Variants in SNAP91 observed in about 807,000 individuals in gnomAD.
SNAP91 encodes the protein clathrin coat assembly protein AP180.
In SNAP91, 27 loss-of-function variants were observed where a neutral mutation model predicts 100.3. That is an observed-to-expected ratio of 0.27 (90% CI 0.20 to 0.37). The LOEUF (loss-of-function observed/expected upper bound fraction) is 0.37. Ranked by LOEUF, SNAP91 falls within the 10% of genes least tolerant of loss-of-function variation. The pLI is 1.00. For synonymous variants in SNAP91, 404 were observed against 398.6 expected, an observed-to-expected ratio of 1.01 and a Z score of -0.16; for missense variants, 986 against 1,123.7, an observed-to-expected ratio of 0.88 and a Z score of 1.75.
rs530700028 is a variant in SNAP91, at chr6:83,594,446, C to T, written c.1360G>A (p.Ala454Thr). The T allele has an allele frequency of 1.4e-4, 209 of 1,543,586 alleles. 2 individuals are homozygous for T. The South Asian group carries it at 2.4e-3, about 18-fold the overall frequency. ...GCTGGTGCGGCGGCCCCTTCGGATGCTGCAGGGGCCTCCCCAGGAGAAGCT... is the reference window on the plus strand; with the variant it reads ...GCTGGTGCGGCGGCCCCTTCGGATGTTGCAGGGGCCTCCCCAGGAGAAGCT... ...FAASPGEAPA[A>T]SEGAAAPATP... is the part of the protein sequence containing the mutation. The change falls in exon 17 of 30, where the codon GCA (alanine) becomes ACA (threonine). Residue 454 changes from alanine to threonine, a missense_variant. Ala to Thr is a moderately conservative substitution (Grantham distance 58, BLOSUM62 0). This residue lies in a region of SNAP91 where 575 missense variants were observed against 579.9 expected (regional missense o/e 0.99). Transcript: ENST00000369694.
At chr6:83,699,429 C>T (rs2099263775) in intron 2 of SNAP91, among the ~76,000 whole-genome samples, 1 of 151,722 alleles carries the variant, frequency 6.6e-6, no homozygotes, top group African/African-American at 2.4e-5. Context: ...TAAAAGCAGA[C>T]AAGACACAGC....
chr6:83,579,261 C>T (rs934358158), intron 24 of SNAP91, among the ~76,000 whole-genome samples: 1 of 152,174 alleles, frequency 6.6e-6, no homozygotes, highest in Non-Finnish European at 1.5e-5. Flanking sequence ...TGGTTGACAG[C>T]TGAGGGCTGT....
chr6:83,592,878 A>G (rs1005763520), intron 20 of SNAP91, 68 bp downstream of exon 20: 82 of 1,172,076 alleles, frequency 7.0e-5, no homozygotes, highest in Non-Finnish European at 9.1e-5. Context: ...CCCACATGTT[A>G]TATCCTTCTC....
chr6:83,659,739 A>C (rs915337862), intron 5 of SNAP91, among the ~76,000 whole-genome samples: 5 of 151,862 alleles, frequency 3.3e-5, no homozygotes, highest in African/African-American at 1.2e-4. Flanking sequence ...ATCAAAATAT[A>C]AGCTTTCAAA....
In SNAP91 at chr6:83,558,555, G is replaced by C. The variant is rs951229804; in HGVS notation, c.2631+1549C>G. Reference sequence around the variant, plus strand: ...CTCTTGGTCCCTGTTGCTTTTGAGGGGCAAAGTGAAGAAGCTGAAAGGAAA... The same window carrying C: ...CTCTTGGTCCCTGTTGCTTTTGAGGCGCAAAGTGAAGAAGCTGAAAGGAAA... On this transcript the variant is annotated intron_variant, in intron 28 of 29. Coordinates refer to ENST00000369694, the MANE Select transcript of SNAP91 (RefSeq NM_001242792.2). 3.9e-5 allele frequency among the ~76,000 whole-genome samples: 6 copies of C among 152,130 alleles called. No homozygotes were observed. In the East Asian group the frequency reaches 1.2e-3, roughly 29 times the overall value.
chr6:83,566,041 A>G (rs1308130928), intron 26 of SNAP91, among the ~76,000 whole-genome samples: 1 of 152,194 alleles, frequency 6.6e-6, no homozygotes, highest in Non-Finnish European at 1.5e-5. Context: ...TAGAAACAAC[A>G]TAAGTGTTCA....
intron 2 of SNAP91, chr6:83,690,547 G>T: frequency 2.3e-6 from 1 of 431,440 alleles, no homozygotes. Flanking sequence ...TATCCATTTT[G>T]ACTAACGTAC....
At chr6:83,618,006 A>G (rs2096569271) in intron 9 of SNAP91, among the ~76,000 whole-genome samples, 1 of 151,942 alleles carries the variant, frequency 6.6e-6, no homozygotes, top group Non-Finnish European at 1.5e-5. Context: ...TGAAGTAACT[A>G]TGGTAACTGA....
intron 5 of SNAP91, among the ~76,000 whole-genome samples, chr6:83,660,982 ATTGCCCAGGCTGGTCTTTAACTCCTACG>A (rs908416420): frequency 1.3e-5 from 2 of 151,866 alleles, no homozygotes; most frequent in Middle Eastern, 3.4e-3. Flanking sequence ...GTCTCACTGC[ATTGCCCAGGCTGGTCTTTAACTCCTACG>A]TTGCCCAGGC....
chr6:83,584,309 A>ATCC (rs920737318), intron 22 of SNAP91, among the ~76,000 whole-genome samples: 24 of 152,278 alleles, frequency 1.6e-4, no homozygotes, highest in African/African-American at 5.8e-4. Flanking sequence ...CATATTAGTG[A>ATCC]TGGAAAGGGC....
chr6:83,688,666 G>C (rs1265601792), intron 2 of SNAP91, among the ~76,000 whole-genome samples: 1 of 152,004 alleles, frequency 6.6e-6, no homozygotes, highest in Non-Finnish European at 1.5e-5. Context: ...ATCACACCCA[G>C]CTAAATTTTT....
chr6:83,706,417 T>C (rs531299847), intron 2 of SNAP91, among the ~76,000 whole-genome samples: 61 of 152,344 alleles, frequency 4.0e-4, no homozygotes, highest in Admixed American at 1.7e-3. Flanking sequence ...GTGGCCTCTT[T>C]CATCCTGTAC....
At chr6:83,593,844 A>G in intron 17 of SNAP91, 103 bp from the exon 18 acceptor site, 1 of 1,449,294 alleles carries the variant, frequency 6.9e-7, no homozygotes, top group Non-Finnish European at 9.1e-7. Context: ...ATATTTACAC[A>G]CTAGCTAGGT....
At chr6:83,627,548 G>A (rs570117443) in intron 8 of SNAP91, among the ~76,000 whole-genome samples, 6 of 151,814 alleles carry the variant, frequency 4.0e-5, no homozygotes, top group African/African-American at 7.3e-5. Flanking sequence ...GACCAATAAC[G>A]GAGTTTCAAC....
At chr6:83,662,134 G>A (rs1435650977) in intron 4 of SNAP91, among the ~76,000 whole-genome samples, 1 of 151,788 alleles carries the variant, frequency 6.6e-6, no homozygotes, top group East Asian at 1.9e-4. Flanking sequence ...TACTTTTTAA[G>A]GTAAACGTGG....
chr6:83,653,684 C>T (rs1278331983), intron 7 of SNAP91, among the ~76,000 whole-genome samples: 1 of 152,142 alleles, frequency 6.6e-6, no homozygotes, highest in African/African-American at 2.4e-5. Context: ...TTCTTGATAG[C>T]TGTACATGAT....
chr6:83,616,842 C>T (rs953824322), intron 10 of SNAP91, 127 bp downstream of exon 10: 2 of 592,272 alleles, frequency 3.4e-6, no homozygotes, highest in Non-Finnish European at 5.7e-6. Context: ...TCTGAGGGAG[C>T]CCAGAAAATT....
chr6:83,572,000 A>G (rs952577036), intron 26 of SNAP91, among the ~76,000 whole-genome samples: 9 of 152,150 alleles, frequency 5.9e-5, no homozygotes, highest in Non-Finnish European at 1.2e-4. Flanking sequence ...CATGTAAGAT[A>G]TGACTTGCTC....
At chr6:83,556,789 A>C (rs1455652252) in intron 28 of SNAP91, among the ~76,000 whole-genome samples, 2 of 152,232 alleles carry the variant, frequency 1.3e-5, no homozygotes, top group South Asian at 2.1e-4. Flanking sequence ...TTGAAGGAAA[A>C]ATAGGAAACG....
Sources: allele counts gnomAD v4.1 joint callset (sites outside exome capture counted in the v4.1 genomes callset), GRCh38; gene constraint gnomAD v4.1.1; regional missense constraint gnomAD v4.1.1; transcripts MANE v1.5; gene names NCBI Gene and HGNC (gene_info 2026-07-23, HGNC 2026-07-21).